Variants in TRAPPC10 observed in about 807,000 individuals in gnomAD.
TRAPPC10 encodes the protein trafficking protein particle complex subunit 10.
Under a neutral mutation model 125.5 loss-of-function variants are expected in TRAPPC10, and 23 were observed. The ratio of observed to expected loss-of-function variants is 0.18; its 90% CI spans 0.13 to 0.26. The LOEUF (loss-of-function observed/expected upper bound fraction) is 0.26. Ranked by LOEUF, TRAPPC10 falls within the 10% of genes least tolerant of loss-of-function variation. The pLI is 1.00. For synonymous variants in TRAPPC10, 509 were observed against 518.0 expected, an observed-to-expected ratio of 0.98 and a Z score of 0.24; for missense variants, 1,123 against 1,308.4, an observed-to-expected ratio of 0.86 and a Z score of 2.19.
intron 19 of TRAPPC10, among the ~76,000 whole-genome samples, chr21:44,093,576 G>A (rs904337908): frequency 1.2e-4 from 19 of 152,110 alleles, no homozygotes; most frequent in East Asian, 1.9e-4. Flanking sequence ...TGGGCAACAC[G>A]GTGAAACCCT....
intron 3 of TRAPPC10, among the ~76,000 whole-genome samples, chr21:44,040,684 C>T (rs375405350): frequency 5.9e-5 from 9 of 151,518 alleles, no homozygotes; most frequent in African/African-American, 1.5e-4. Context: ...TGCAGTGGTG[C>T]GATCTTGGTT....
rs1488883024 is a variant in TRAPPC10 at position 44,091,980 on chromosome 21, T to C, written c.2928T>C (p.Asp976=). 1 of 1,614,190 alleles carries C rather than the reference T, an allele frequency of 6.2e-7. No homozygotes were observed. Among genetic ancestry groups the C allele is most frequent in the Non-Finnish European group, 8.5e-7 (1 of 1,180,024 alleles). The change falls in exon 19 of 23, where the codon GAT becomes GAC. Residue 976 remains aspartate (D), a synonymous_variant. Coordinates refer to ENST00000291574, the MANE Select transcript of TRAPPC10 (RefSeq NM_003274.5). ...NLSELDFQLS[D]SYLVDTGDST... ...CAGAACTTGACTTTCAGCTGTCAGA[T>C]AGTTATCTTGTAGATACCGGTGATA...
At chr21:44,095,952 T>C (rs2038904738) in intron 20 of TRAPPC10, among the ~76,000 whole-genome samples, 1 of 133,274 alleles carries the variant, frequency 7.5e-6, no homozygotes, top group Admixed American at 7.8e-5. Context: ...AGGGTAACTC[T>C]GTGGTTAGCT....
chr21:44,068,384 CA>C (rs2036606990), intron 7 of TRAPPC10, among the ~76,000 whole-genome samples: 2 of 152,160 alleles, frequency 1.3e-5, no homozygotes, highest in African/African-American at 4.8e-5. Flanking sequence ...GCTAGAACTT[CA>C]GGGGTGAGGC....
Position 44,087,781 on chromosome 21 carries a change from C to T in TRAPPC10, c.2622C>T (p.His874=), listed in dbSNP as rs769350841. 24 of 1,614,094 alleles carry T rather than the reference C, an allele frequency of 1.5e-5. No individual in the cohort carries two copies. The highest frequency in any genetic ancestry group is 6.7e-5 in the East Asian group (3 of 44,892). ...GTCTGCCTGTTGCGCCTGCGTACCACGTGATCGAATTTGAACTGGAAGTTC... is the reference window on the plus strand; with the variant it reads ...GTCTGCCTGTTGCGCCTGCGTACCATGTGATCGAATTTGAACTGGAAGTTC... ...SISLPVAPAY[H]VIEFELEVLS... is the part of the protein sequence containing the mutation. The change falls in exon 17 of 23, where the codon CAC becomes CAT. Residue 874 remains histidine (H), a synonymous_variant. Coordinates refer to ENST00000291574, the MANE Select transcript of TRAPPC10 (RefSeq NM_003274.5). The surrounding 1 kb of genome is among the most constrained non-coding windows in gnomAD (Gnocchi z 4.6).
intron 3 of TRAPPC10, among the ~76,000 whole-genome samples, chr21:44,047,563 T>TGTGTGTGTGTGTGTGTGTGTGTGC (rs1555936162): frequency 6.8e-6 from 1 of 147,866 alleles, no homozygotes; most frequent in Admixed American, 6.6e-5. Flanking sequence ...TGTGTGTGTG[T>TGTGTGTGTGTGTGTGTGTGTGTGC]GTGCGCGCAC....
intron 7 of TRAPPC10, among the ~76,000 whole-genome samples, chr21:44,072,138 G>A (rs2036912188): frequency 6.6e-6 from 1 of 152,232 alleles, no homozygotes; most frequent in African/African-American, 2.4e-5. Flanking sequence ...AATATACAAA[G>A]AACTATTCTA....
rs2031210830 is a variant in TRAPPC10, at chr21:44,012,482, C to T, written c.-12C>T. Reference sequence around the variant, plus strand: ...GGGGCGCGGGGGGCCGGGCCGGTGACGCCGGACGCCCATGGACGCCTCTGA... The same window carrying T: ...GGGGCGCGGGGGGCCGGGCCGGTGATGCCGGACGCCCATGGACGCCTCTGA... On this transcript the variant is annotated 5_prime_UTR_variant, in exon 1 of 23. It adds an upstream start codon to the 5' untranslated region. Coordinates refer to ENST00000291574, the MANE Select transcript of TRAPPC10 (RefSeq NM_003274.5). The T allele has an allele frequency of 2.7e-6, 4 of 1,475,270 alleles. No individual in the cohort carries two copies. The highest frequency in any genetic ancestry group is 3.6e-6 in the Non-Finnish European group (4 of 1,105,456). 91.4% of individuals were successfully genotyped at this position (1,475,270 alleles called of 1,614,324 possible). A position where few individuals can be genotyped will look rare whatever the true frequency, so the allele number is the denominator to read the frequency against.
intron 9 of TRAPPC10, among the ~76,000 whole-genome samples, chr21:44,075,576 C>T (rs1490335895): frequency 6.6e-6 from 1 of 152,084 alleles, no homozygotes; most frequent in Admixed American, 6.5e-5. Flanking sequence ...GCCTCGACCT[C>T]CTGGGCTCAA....
At chr21:44,050,546 C>G (rs2035165095) in intron 3 of TRAPPC10, among the ~76,000 whole-genome samples, 1 of 152,196 alleles carries the variant, frequency 6.6e-6, no homozygotes, top group Middle Eastern at 3.4e-3. Flanking sequence ...GTCACAGGCT[C>G]TGGGCCCTGT....
chr21:44,034,046 A>G (rs538346011), intron 2 of TRAPPC10, among the ~76,000 whole-genome samples: 2 of 152,336 alleles, frequency 1.3e-5, no homozygotes, highest in East Asian at 3.9e-4. Flanking sequence ...AAAGACAGAG[A>G]AAGGAGGAGG....
intron 13 of TRAPPC10, among the ~76,000 whole-genome samples, chr21:44,081,005 CTT>C (rs71326026): frequency 0.025 from 2,576 of 103,918 alleles, 98 homozygotes; most frequent in African/African-American, 0.076. Flanking sequence ...TATTATTGTT[CTT>C]TTTTTTTTTC....
chr21:44,026,651 C>G (rs1029462135), intron 1 of TRAPPC10, among the ~76,000 whole-genome samples: 4 of 152,158 alleles, frequency 2.6e-5, no homozygotes, highest in African/African-American at 9.7e-5. Context: ...TTCTGTAAAG[C>G]AAATCTTAGA....
At position 44,032,423 on chromosome 21, in the gene TRAPPC10, CCCA is replaced by C. The variant is rs1601596358; in HGVS notation, c.149+252_149+254del. 4.2e-5 allele frequency among the ~76,000 whole-genome samples: 6 copies of C among 142,044 alleles called. No homozygotes were observed. In the East Asian group the frequency reaches 1.2e-3, roughly 29 times the overall value. The allele number at this position is 142,044 out of a possible 152,430, so 93.2% of individuals were successfully genotyped here. A position where few individuals can be genotyped will look rare whatever the true frequency, so the allele number is the denominator to read the frequency against. ...TTTGAGACAGAGTCTCGTTCTGTCGCCCAGGCTGGAGTGCAGTAGCGCAATCTC... is the reference window on the plus strand; with the variant it reads ...TTTGAGACAGAGTCTCGTTCTGTCGCGGCTGGAGTGCAGTAGCGCAATCTC... On this transcript the variant is annotated intron_variant, in intron 2 of 22. Coordinates refer to ENST00000291574, the MANE Select transcript of TRAPPC10 (RefSeq NM_003274.5).
chr21:44,090,385 T>A (rs1217506327), intron 18 of TRAPPC10, among the ~76,000 whole-genome samples: 1 of 152,214 alleles, frequency 6.6e-6, no homozygotes, highest in Non-Finnish European at 1.5e-5. Flanking sequence ...TAGTGACATT[T>A]TGGGCTAGAT....
Position 44,027,792 on chromosome 21 carries a change from T to G in TRAPPC10, c.68-4299T>G, listed in dbSNP as rs184826437. Among the ~76,000 whole-genome samples the G allele has an allele frequency of 9.4e-4, 143 of 151,516 alleles. 1 individual carries two copies. Among genetic ancestry groups the G allele is most frequent in the Middle Eastern group, 3.4e-3 (1 of 292 alleles). ...TTTGGGAGGTGGGGCCTTTGGGAGG[T>G]GATTAGGTCATGTGGCTGGAGTCCC... On this transcript the variant is annotated intron_variant, in intron 1 of 22. Coordinates refer to ENST00000291574, the MANE Select transcript of TRAPPC10 (RefSeq NM_003274.5).
At chr21:44,021,189 G>T (rs2032465030) in intron 1 of TRAPPC10, among the ~76,000 whole-genome samples, 1 of 152,180 alleles carries the variant, frequency 6.6e-6, no homozygotes, top group African/African-American at 2.4e-5. Context: ...GTCCTTTGGG[G>T]ATCCTGGGTT....
In TRAPPC10 at chr21:44,053,745, C is replaced by T. The variant is rs554332738; in HGVS notation, c.482+1269C>T. Among the ~76,000 whole-genome samples the T allele has an allele frequency of 2.8e-4, 43 of 152,330 alleles. 1 individual carries two copies. Among genetic ancestry groups the T allele is most frequent in the African/African-American group, 9.9e-4 (41 of 41,576 alleles). On this transcript the variant is annotated intron_variant, in intron 4 of 22. Transcript: ENST00000291574. ...TCGCTGAGGCTGCAGCCGGGAGCCC[C>T]TTGTTCCACATGTGCCTCCAGCCCC... is the stretch of plus-strand genomic sequence containing the variant.
Position 44,082,621 on chromosome 21 carries a change from G to T in TRAPPC10, c.1724-167G>T, listed in dbSNP as rs536716357. 1.3e-5 allele frequency among the ~76,000 whole-genome samples: 2 copies of T among 152,032 alleles called. No homozygotes were observed. The highest frequency in any genetic ancestry group is 1.3e-4 in the Admixed American group (2 of 15,228). On this transcript the variant is annotated intron_variant, in intron 13 of 22. Transcript: ENST00000291574. This position sits in a 1 kb window ranked among gnomAD's most constrained non-coding sequence, Gnocchi z 4.4. ...CTAATATTCTGCTTTTGATACAATA[G>T]CCTTTGGGGGGTGTGAAGATGGCAG...
Sources: allele counts gnomAD v4.1 joint callset (sites outside exome capture counted in the v4.1 genomes callset), GRCh38; gene constraint gnomAD v4.1.1; non-coding constraint Gnocchi (gnomAD v3.1); transcripts MANE v1.5; gene names NCBI Gene and HGNC (gene_info 2026-07-23, HGNC 2026-07-21).